MACROD1: variants seen among roughly 807,000 people sequenced by gnomAD.
The protein encoded by MACROD1 is ADP-ribose glycohydrolase MACROD1.
In MACROD1, 31 loss-of-function variants were observed where a neutral mutation model predicts 41.4. The observed-to-expected ratio is 0.75, with a 90% CI of 0.56 to 1.01. The LOEUF (loss-of-function observed/expected upper bound fraction) is 1.01, where lower values mean the gene tolerates loss of function less well. Among genes scored for constraint, MACROD1 ranks in the 50% least tolerant of loss-of-function variants. The pLI, the probability that MACROD1 is intolerant of heterozygous loss-of-function variation, is 0.00. For synonymous variants in MACROD1, 252 were observed against 203.4 expected (o/e 1.24, Z -2.03); for missense variants, 473 against 460.0 (o/e 1.03, Z -0.26).
At chr11:64,023,919 G>A (rs2134353727) in intron 3 of MACROD1, among the ~76,000 whole-genome samples, 1 of 152,196 alleles carries the variant, frequency 6.6e-6, no homozygotes, top group African/African-American at 2.4e-5. Flanking sequence ...GGCCTCTCTT[G>A]TCTGCTTCCT....
At chr11:64,116,017 T>A (rs962807716) in intron 3 of MACROD1, among the ~76,000 whole-genome samples, 8 of 152,184 alleles carry the variant, frequency 5.3e-5, no homozygotes, top group African/African-American at 1.7e-4. Context: ...CCAGATGTTG[T>A]TAGAGTCCGA....
chr11:64,078,515 C>T (rs1369522233), intron 3 of MACROD1, among the ~76,000 whole-genome samples: 2 of 152,188 alleles, frequency 1.3e-5, no homozygotes, highest in African/African-American at 2.4e-5. Context: ...CTTGCAGCAT[C>T]GGAGGGATAC....
At chr11:64,125,514 G>A (rs1425291361) in intron 3 of MACROD1, among the ~76,000 whole-genome samples, 1 of 152,190 alleles carries the variant, frequency 6.6e-6, no homozygotes, top group Non-Finnish European at 1.5e-5. Flanking sequence ...CATTGAGGAT[G>A]GCCCAGGCAC....
chr11:64,085,286 G>A (rs1377158978), intron 3 of MACROD1, among the ~76,000 whole-genome samples: 1 of 152,224 alleles, frequency 6.6e-6, no homozygotes, highest in African/African-American at 2.4e-5. Context: ...GGCCAGAGCT[G>A]ATTCTGTCCT....
chr11:64,066,462 T>C (rs960330724), intron 3 of MACROD1, among the ~76,000 whole-genome samples: 3 of 150,238 alleles, frequency 2.0e-5, no homozygotes, highest in African/African-American at 2.5e-5. Context: ...ACAAAAAATT[T>C]TAAAAAATTA....
chr11:64,086,671 C>T (rs1590887853), intron 3 of MACROD1, among the ~76,000 whole-genome samples: 1 of 152,296 alleles, frequency 6.6e-6, no homozygotes, highest in South Asian at 2.1e-4. Context: ...CAGGGACTCA[C>T]ATCATGTGTT....
chr11:64,130,353 C>G (rs949142048), intron 3 of MACROD1, among the ~76,000 whole-genome samples: 1 of 152,218 alleles, frequency 6.6e-6, no homozygotes, highest in African/African-American at 2.4e-5. Context: ...TGGGTGATAC[C>G]TACCCCTCCA....
chr11:64,088,066 C>T (rs1476776796), intron 3 of MACROD1, among the ~76,000 whole-genome samples: 1 of 152,182 alleles, frequency 6.6e-6, no homozygotes, highest in African/African-American at 2.4e-5. Context: ...CTGGGCCTCC[C>T]CTGGCTCTTC....
At chr11:64,145,162 G>A (rs1042854510) in intron 3 of MACROD1, among the ~76,000 whole-genome samples, 7 of 152,170 alleles carry the variant, frequency 4.6e-5, no homozygotes, top group African/African-American at 1.2e-4. Flanking sequence ...GAGATAGAGC[G>A]CCACTTCATG....
chr11:64,011,645 A>T (rs1357145151), intron 4 of MACROD1, among the ~76,000 whole-genome samples: 1 of 151,968 alleles, frequency 6.6e-6, no homozygotes, highest in African/African-American at 2.4e-5. Context: ...CAAGCAGGGA[A>T]TCAGGGCTGC....
Position 64,103,567 on chromosome 11 carries a change from C to G in MACROD1, c.517+47672G>C, listed in dbSNP as rs1944707978. The stretch of plus-strand genomic sequence containing the variant: ...ACTCTCTGCACCCAGCCCATTCTGC[C>G]AAGTGACTTAAAGGAATTAAAAAAA... On this transcript the variant is annotated intron_variant, in intron 3 of 10. Transcript: ENST00000255681. 2.0e-5 allele frequency: 3 copies of G among 147,034 alleles called. No individual in the cohort carries two copies. In the South Asian group the frequency reaches 6.4e-4, roughly 32 times the overall value. 9.1% of individuals were successfully genotyped at this position (147,034 alleles called of 1,614,324 possible). A position where few individuals can be genotyped will look rare whatever the true frequency, so the allele number is the denominator to read the frequency against.
chr11:64,136,252 C>A (rs1244860181), intron 3 of MACROD1, among the ~76,000 whole-genome samples: 1 of 152,252 alleles, frequency 6.6e-6, no homozygotes, highest in Non-Finnish European at 1.5e-5. Flanking sequence ...CACAACTCCT[C>A]ATTCATTCAT....
chr11:64,037,272 G>A (rs1255661090), intron 3 of MACROD1, among the ~76,000 whole-genome samples: 1 of 152,170 alleles, frequency 6.6e-6, no homozygotes, highest in Non-Finnish European at 1.5e-5. Context: ...CTGTCTGTGG[G>A]GGGGACCCAC....
intron 3 of MACROD1, among the ~76,000 whole-genome samples, chr11:64,139,453 C>T (rs1378838398): frequency 1.3e-5 from 2 of 152,204 alleles, no homozygotes; most frequent in Non-Finnish European, 2.9e-5. Context: ...GGGCTGCCCC[C>T]ACCGCAGAGG....
intron 3 of MACROD1, among the ~76,000 whole-genome samples, chr11:64,031,048 C>G (rs577866232): frequency 1.1e-4 from 17 of 152,080 alleles, no homozygotes. Flanking sequence ...GGCCTGGGGG[C>G]AGGAGCATGC....
At chr11:63,998,731 C>T (rs1942758386) in intron 10 of MACROD1, 44 bp from the exon 11 acceptor site, 4 of 1,413,758 alleles carry the variant, frequency 2.8e-6, no homozygotes, top group Middle Eastern at 2.6e-4. Context: ...GCGTCCCCGA[C>T]CTCCCAGGCT....
chr11:64,118,594 G>GTT, intron 3 of MACROD1: 15 of 241,052 alleles, frequency 6.2e-5, no homozygotes, highest in South Asian at 4.5e-4. Context: ...GCTGGGTTGG[G>GTT]TTTTTTTTTT....
At chr11:64,009,226 A>G (rs972587018) in intron 4 of MACROD1, 2 of 152,106 alleles carry the variant, frequency 1.3e-5, no homozygotes, top group African/African-American at 4.8e-5. Context: ...TTACCATACA[A>G]TAGGAGAGTG....
chr11:64,059,345 G>A (rs555949757), intron 3 of MACROD1, among the ~76,000 whole-genome samples: 6 of 152,296 alleles, frequency 3.9e-5, no homozygotes, highest in South Asian at 2.1e-4. Flanking sequence ...CATGGGAGGC[G>A]TTGCGGGCTT....
Sources: allele counts gnomAD v4.1 joint callset (sites outside exome capture counted in the v4.1 genomes callset), GRCh38; gene constraint gnomAD v4.1.1; transcripts MANE v1.5; gene names NCBI Gene and HGNC (gene_info 2026-07-23, HGNC 2026-07-21).